MTFR1: variants seen among roughly 807,000 people sequenced by gnomAD.
MTFR1 encodes mitochondrial fission regulator 1, also known as chondrocyte protein with a poly-proline region.
MTFR1 carries 28 observed loss-of-function variants against 38.8 expected under a neutral mutation model. The observed-to-expected ratio is 0.72, with a 90% CI of 0.53 to 0.99. MTFR1 has a LOEUF of 0.99. Ranked by LOEUF, MTFR1 falls within the 50% of genes least tolerant of loss-of-function variation. The pLI is 0.00. For synonymous variants in MTFR1, 145 were observed against 137.0 expected (o/e 1.06, Z -0.41); for missense variants, 358 against 395.5 (o/e 0.91, Z 0.81).
At chr8:65,730,134 G>A (rs1319207448) in intron 3 of MTFR1, among the ~76,000 whole-genome samples, 2 of 134,742 alleles carry the variant, frequency 1.5e-5, no homozygotes, top group African/African-American at 5.5e-5. Flanking sequence ...AAACCCTATT[G>A]TAAACTGTGC....
In MTFR1 at chr8:65,652,868, T is replaced by G. The variant is rs555974761; in HGVS notation, c.-81+8084T>G. Among the ~76,000 whole-genome samples the G allele has an allele frequency of 2.0e-5, 3 of 152,350 alleles. No homozygotes were observed. The East Asian group carries it at 5.8e-4, about 29-fold the overall frequency. ...CCTTTATTTCTTTCTCTTGCCTGAT[T>G]GCTCTAGCTAGGACTTTTTACTATG... On this transcript the variant is annotated intron_variant, in intron 1 of 7. Transcript: ENST00000262146.
At chr8:65,757,882 G>C (rs1425937022) in intron 3 of MTFR1, among the ~76,000 whole-genome samples, 2 of 152,216 alleles carry the variant, frequency 1.3e-5, no homozygotes, top group Non-Finnish European at 2.9e-5. Context: ...CTCCCAAAGT[G>C]CTGGGATTAC....
intron 3 of MTFR1, among the ~76,000 whole-genome samples, chr8:65,740,247 ATT>A (rs915942559): frequency 6.6e-5 from 10 of 151,938 alleles, no homozygotes; most frequent in African/African-American, 1.7e-4. Context: ...CAGCAATCAT[ATT>A]GTCTTTCCAG....
At chr8:65,771,966 A>T (rs1809107997), downstream of MTFR1, among the ~76,000 whole-genome samples, 1 of 152,028 alleles carries the variant, frequency 6.6e-6, no homozygotes, top group African/African-American at 2.4e-5. Context: ...TTAGGAGAAT[A>T]CCAGAACAAC....
downstream of MTFR1, among the ~76,000 whole-genome samples, chr8:65,712,681 G>A (rs1463688322): frequency 3.9e-5 from 6 of 152,152 alleles, no homozygotes; most frequent in Non-Finnish European, 5.9e-5. Flanking sequence ...GGTCTGACAA[G>A]CTGTAAAGAC....
chr8:65,683,770 G>A (rs1366565704), intron 3 of MTFR1, among the ~76,000 whole-genome samples: 4 of 150,592 alleles, frequency 2.7e-5, no homozygotes, highest in East Asian at 2.0e-4. Flanking sequence ...GGTGATCTGC[G>A]CATCTCTGCC....
intron 4 of MTFR1, among the ~76,000 whole-genome samples, chr8:65,695,826 T>C (rs1005524882): frequency 6.6e-6 from 1 of 152,184 alleles, no homozygotes; most frequent in Admixed American, 6.5e-5. Flanking sequence ...CTATAACATT[T>C]AGATAGAACG....
intron 1 of MTFR1, among the ~76,000 whole-genome samples, chr8:65,647,758 A>G (rs1157513735): frequency 2.6e-5 from 4 of 152,148 alleles, no homozygotes; most frequent in South Asian, 2.1e-4. Context: ...ATTCTTTTAT[A>G]TATTTATTAG....
chr8:65,773,760 T>C (rs1284814994), downstream of MTFR1, among the ~76,000 whole-genome samples: 3 of 152,184 alleles, frequency 2.0e-5, no homozygotes, highest in Non-Finnish European at 4.4e-5. Flanking sequence ...TTTAATTTCA[T>C]TAGAGATACT....
At chr8:65,736,811 A>G (rs1807157289) in intron 3 of MTFR1, among the ~76,000 whole-genome samples, 1 of 126,458 alleles carries the variant, frequency 7.9e-6, no homozygotes, top group African/African-American at 2.9e-5. Flanking sequence ...TTTTTTTGCC[A>G]GAGTTCTAAG....
chr8:65,692,977 C>T (rs1406163682), intron 3 of MTFR1, among the ~76,000 whole-genome samples: 1 of 150,782 alleles, frequency 6.6e-6, no homozygotes, highest in Admixed American at 6.7e-5. Flanking sequence ...CTCACCGCAA[C>T]CTCCACTTCC....
chr8:65,717,254 C>G lies in MTFR1; in HGVS notation c.382-2126C>G, dbSNP rs1027971066. Among the ~76,000 whole-genome samples, 15 of 152,264 alleles carry G rather than the reference C, an allele frequency of 9.9e-5. No individual in the cohort carries two copies. The East Asian group carries it at 2.3e-3, about 23-fold the overall frequency. On this transcript the variant is annotated intron_variant, in intron 2 of 3. Coordinates refer to the MTFR1 transcript ENST00000521247. ...TGATTTAGAAGTTTGCACCATATCC[C>G]TTCTAATGAGTTGGACCTGGGAAGA...
At chr8:65,656,551 G>C (rs1443969725) in intron 1 of MTFR1, among the ~76,000 whole-genome samples, 1 of 148,126 alleles carries the variant, frequency 6.8e-6, no homozygotes, top group Non-Finnish European at 1.5e-5. Context: ...GCCCAGGCTG[G>C]AGTGCAATGG....
In MTFR1 at chr8:65,704,805, G is replaced by T. The variant is rs1423736410; in HGVS notation, c.393G>T (p.Lys131Asn). 1 of 1,614,100 alleles carries T rather than the reference G, an allele frequency of 6.2e-7. No individual in the cohort carries two copies. The stretch of plus-strand genomic sequence containing the variant: ...TGTCTCAAGAAGAGCCTCAGCTGAA[G>T]ACCCCAGCGCTGGCAAATGAGGAAG... Reference protein sequence around the residue: ...PDLSQEEPQLKTPALANEEAL... With the variant: ...PDLSQEEPQLNTPALANEEAL... The change falls in exon 5 of 8, where the codon AAG becomes AAT. Residue 131 changes from lysine (K) to asparagine (N), a missense_variant. Transcript: ENST00000262146.
chr8:65,693,815 A>G, intron 4 of MTFR1, 56 bp downstream of exon 4: 1 of 1,356,098 alleles, frequency 7.4e-7, no homozygotes, highest in African/African-American at 1.4e-5. Flanking sequence ...TTAAAGAATG[A>G]TATTATTTGC....
chr8:65,771,475 C>T (rs2128920773), downstream of MTFR1, among the ~76,000 whole-genome samples: 1 of 152,208 alleles, frequency 6.6e-6, no homozygotes, highest in East Asian at 1.9e-4. Flanking sequence ...ATGTCTTTAA[C>T]CTGTTGATAT....
At chr8:65,675,515 C>T in intron 2 of MTFR1, among the ~76,000 whole-genome samples, 1 of 141,318 alleles carries the variant, frequency 7.1e-6, no homozygotes, top group South Asian at 2.4e-4. Context: ...AGGAGAATGG[C>T]GTGAACCTGG....
At chr8:65,679,003 G>A (rs17395275) in intron 2 of MTFR1, among the ~76,000 whole-genome samples, 56,751 of 152,100 alleles carry the variant, frequency 0.37, 13,795 homozygotes, top group Non-Finnish European at 0.55. Context: ...TGCAACATGC[G>A]TAGTGAAGAA....
At chr8:65,707,602 C>T (rs990285232) in intron 6 of MTFR1, among the ~76,000 whole-genome samples, 2 of 152,150 alleles carry the variant, frequency 1.3e-5, no homozygotes, top group Admixed American at 1.3e-4. Context: ...CTCTATTTGC[C>T]CTGAAGGAGA....
Sources: allele counts gnomAD v4.1 joint callset (sites outside exome capture counted in the v4.1 genomes callset), GRCh38; gene constraint gnomAD v4.1.1; transcripts MANE v1.5; gene names NCBI Gene and HGNC (gene_info 2026-07-23, HGNC 2026-07-21).